Variants in CLSTN2 observed in about 807,000 individuals in gnomAD.
CLSTN2 encodes calsyntenin-2.
A neutral mutation model predicts 101.2 loss-of-function variants in CLSTN2; 48 were observed. The ratio of observed to expected loss-of-function variants is 0.47; its 90% CI spans 0.38 to 0.60. The LOEUF (loss-of-function observed/expected upper bound fraction) is 0.60, where lower values mean the gene tolerates loss of function less well. Ranked by LOEUF, CLSTN2 falls within the 20% of genes least tolerant of loss-of-function variation. CLSTN2 has a pLI of 0.00. For missense variants in CLSTN2, 1,160 were observed against 1,238.2 expected, an observed-to-expected ratio of 0.94 and a Z score of 0.95; for synonymous variants, 481 against 463.6, an observed-to-expected ratio of 1.04 and a Z score of -0.48.
chr3:140,334,067 T>C (rs2087417269), intron 2 of CLSTN2, among the ~76,000 whole-genome samples: 1 of 152,178 alleles, frequency 6.6e-6, no homozygotes, highest in Non-Finnish European at 1.5e-5. Flanking sequence ...ATCTTAGCCT[T>C]CCATGCGACC....
chr3:140,291,019 C>G (rs2086941385), intron 2 of CLSTN2, among the ~76,000 whole-genome samples: 1 of 152,174 alleles, frequency 6.6e-6, no homozygotes. Flanking sequence ...GTCTTTTCTT[C>G]ACATCACCTT....
chr3:140,026,589 A>G (rs1458278310), intron 1 of CLSTN2, among the ~76,000 whole-genome samples: 2 of 152,204 alleles, frequency 1.3e-5, no homozygotes, highest in African/African-American at 2.4e-5. Flanking sequence ...TGGGAGAAGG[A>G]GGGACTGGAG....
chr3:140,173,454 G>A lies in CLSTN2; in HGVS notation c.110-2497G>A, dbSNP rs182558047. Reference sequence around the variant, plus strand: ...GCAGCTTTTCCAGGCACAGGTGCAAGTGTCAGTGGATCTAGCATTCTGGGG... The same window carrying A: ...GCAGCTTTTCCAGGCACAGGTGCAAATGTCAGTGGATCTAGCATTCTGGGG... On this transcript the variant is annotated intron_variant, in intron 1 of 16. Transcript: ENST00000458420. Among the ~76,000 whole-genome samples the A allele has an allele frequency of 4.4e-3, 673 of 152,322 alleles. 3 individuals carry two copies. Among genetic ancestry groups the A allele is most frequent in the African/African-American group, 0.014 (563 of 41,572 alleles).
chr3:140,126,197 T>C (rs2009427011), intron 1 of CLSTN2, among the ~76,000 whole-genome samples: 1 of 152,032 alleles, frequency 6.6e-6, no homozygotes, highest in African/African-American at 2.4e-5. Flanking sequence ...TCCATTCTCA[T>C]GGATGTTTAA....
intron 2 of CLSTN2, among the ~76,000 whole-genome samples, chr3:140,230,369 G>A (rs138642359): frequency 2.7e-4 from 41 of 152,328 alleles, no homozygotes; most frequent in African/African-American, 8.9e-4. Flanking sequence ...AATGACTAAA[G>A]CTAGTCTAGT....
At position 140,495,034 on chromosome 3, in the gene CLSTN2, G is replaced by A. The variant is rs537611330; in HGVS notation, c.1344+28303G>A. Among the ~76,000 whole-genome samples, 7 of 152,224 alleles carry A rather than the reference G, an allele frequency of 4.6e-5. No individual in the cohort carries two copies. The South Asian group carries it at 6.2e-4, about 14-fold the overall frequency. On this transcript the variant is annotated intron_variant, in intron 8 of 16. Coordinates refer to ENST00000458420, the MANE Select transcript of CLSTN2 (RefSeq NM_022131.3). Reference sequence around the variant, plus strand: ...TCTGCCTCTAGATTTTTGCAGAACCGCCACACTGTCTTCCACAATGGTTGA... The same window carrying A: ...TCTGCCTCTAGATTTTTGCAGAACCACCACACTGTCTTCCACAATGGTTGA...
intron 2 of CLSTN2, among the ~76,000 whole-genome samples, chr3:140,335,973 G>A (rs1388639437): frequency 6.6e-6 from 1 of 152,184 alleles, no homozygotes; most frequent in African/African-American, 2.4e-5. Flanking sequence ...GCCACACCAA[G>A]TCTAGGTTAA....
chr3:140,362,432 A>G (rs1291719797), intron 2 of CLSTN2, among the ~76,000 whole-genome samples: 1 of 152,218 alleles, frequency 6.6e-6, no homozygotes, highest in Non-Finnish European at 1.5e-5. Flanking sequence ...CATGAAAAGC[A>G]TGACTCATAA....
chr3:140,212,516 G>T (rs1378355723), intron 2 of CLSTN2, among the ~76,000 whole-genome samples: 5 of 152,112 alleles, frequency 3.3e-5, no homozygotes, highest in Non-Finnish European at 7.4e-5. Flanking sequence ...ACCACCCAAA[G>T]CCTCTCAGCC....
intron 2 of CLSTN2, among the ~76,000 whole-genome samples, chr3:140,233,785 A>T (rs896374110): frequency 6.6e-6 from 1 of 152,180 alleles, no homozygotes; most frequent in African/African-American, 2.4e-5. Context: ...AGCTTGAAAC[A>T]TATTTTCTCC....
chr3:140,513,774 T>A (rs190972222), intron 8 of CLSTN2, among the ~76,000 whole-genome samples: 2 of 152,210 alleles, frequency 1.3e-5, no homozygotes, highest in East Asian at 3.9e-4. Context: ...CTGGGCTTTT[T>A]TTGGTTGGTA....
chr3:139,948,767 C>T lies in CLSTN2; in HGVS notation c.109+13284C>T, dbSNP rs537507434. 1.4e-4 allele frequency among the ~76,000 whole-genome samples: 21 copies of T among 152,336 alleles called. No individual in the cohort carries two copies. In the South Asian group the frequency reaches 4.3e-3, roughly 32 times the overall value. On this transcript the variant is annotated intron_variant, in intron 1 of 16. Transcript: ENST00000458420. The stretch of plus-strand genomic sequence containing the variant: ...TCTTCCAGATACACACACACAGTCA[C>T]TCCTGCTCAAAATTCCTCATGTGAC...
At chr3:140,408,030 CTA>C (rs1400390280) in intron 4 of CLSTN2, among the ~76,000 whole-genome samples, 1 of 152,122 alleles carries the variant, frequency 6.6e-6, no homozygotes, top group Non-Finnish European at 1.5e-5. Flanking sequence ...AGACAGCTAT[CTA>C]TGAAAGAAAA....
At chr3:140,004,429 G>A (rs1313288178) in intron 1 of CLSTN2, among the ~76,000 whole-genome samples, 2 of 152,136 alleles carry the variant, frequency 1.3e-5, no homozygotes, top group African/African-American at 4.8e-5. Flanking sequence ...TCCACCTCTG[G>A]CCATCTGGAT....
chr3:140,210,183 C>T (rs542599946), intron 2 of CLSTN2, among the ~76,000 whole-genome samples: 1 of 152,238 alleles, frequency 6.6e-6, no homozygotes, highest in African/African-American at 2.4e-5. Flanking sequence ...AATAAGGAAT[C>T]GAGGCACAAA....
At chr3:140,053,529 TAAGAG>T (rs530073966) in intron 1 of CLSTN2, among the ~76,000 whole-genome samples, 30 of 152,232 alleles carry the variant, frequency 2.0e-4, no homozygotes, top group Admixed American at 4.6e-4. Context: ...TGGTGAGTGT[TAAGAG>T]AAGGGATGTG....
rs1013283260 is a variant in CLSTN2, at chr3:140,574,273, G to A, written c.*8020G>A. ...GACGAGGGTGGAAGTGCAGTGAACAGAGGACAACATTTGTGATGCACGTGG... is the reference window on the plus strand; with the variant it reads ...GACGAGGGTGGAAGTGCAGTGAACAAAGGACAACATTTGTGATGCACGTGG... On this transcript the variant is annotated 3_prime_UTR_variant, in exon 17 of 17. Transcript: ENST00000458420. 6.6e-6 allele frequency: 1 copy of A among 152,246 alleles called. No homozygotes were observed. The highest frequency in any genetic ancestry group is 2.4e-5 in the African/African-American group (1 of 41,460). The allele number at this position is 152,246 out of a possible 1,614,324, so 9.4% of individuals were successfully genotyped here.
chr3:140,413,979 T>C (rs566323414), intron 4 of CLSTN2, among the ~76,000 whole-genome samples: 1 of 152,090 alleles, frequency 6.6e-6, no homozygotes, highest in Non-Finnish European at 1.5e-5. Context: ...TTTTCTCTAA[T>C]GTAAGGAATT....
chr3:140,134,522 AC>A (rs1232223569), intron 1 of CLSTN2, among the ~76,000 whole-genome samples: 2 of 152,198 alleles, frequency 1.3e-5, no homozygotes, highest in African/African-American at 4.8e-5. Flanking sequence ...TTAAGATGTT[AC>A]CCATAAAATA....
Sources: allele counts gnomAD v4.1 joint callset (sites outside exome capture counted in the v4.1 genomes callset), GRCh38; gene constraint gnomAD v4.1.1; transcripts MANE v1.5; gene names NCBI Gene and HGNC (gene_info 2026-07-23, HGNC 2026-07-21).